DLGAP2: variants seen among roughly 807,000 people sequenced by gnomAD.
DLGAP2 encodes DLG associated protein 2.
In DLGAP2, 26 loss-of-function variants were observed where a neutral mutation model predicts 100.3. The ratio of observed to expected loss-of-function variants is 0.26; its 90% CI spans 0.19 to 0.36. The LOEUF (loss-of-function observed/expected upper bound fraction) is 0.36, where lower values mean the gene tolerates loss of function less well. DLGAP2 is among the 10% of genes least tolerant of loss of function. DLGAP2 has a pLI of 1.00. For synonymous variants in DLGAP2, 886 were observed against 630.1 expected, an observed-to-expected ratio of 1.41 and a Z score of -6.08; for missense variants, 1,858 against 1,453.2, an observed-to-expected ratio of 1.28 and a Z score of -4.53.
chr8:1,223,908 A>G (rs899762814), intron 2 of DLGAP2, among the ~76,000 whole-genome samples: 14 of 152,218 alleles, frequency 9.2e-5, no homozygotes, highest in African/African-American at 3.4e-4. Flanking sequence ...ATGGAGAAAA[A>G]CAGAAGACAT....
At chr8:797,407 T>G (rs1192581239) in intron 1 of DLGAP2, among the ~76,000 whole-genome samples, 1 of 152,262 alleles carries the variant, frequency 6.6e-6, no homozygotes, top group Admixed American at 6.5e-5. Context: ...TTGTTGATGA[T>G]CAATCTTCTG....
intron 7 of DLGAP2, 100 bp downstream of exon 7, chr8:1,626,987 G>C (rs1472296321): frequency 6.3e-6 from 9 of 1,425,682 alleles, no homozygotes; most frequent in Non-Finnish European, 8.5e-6. Flanking sequence ...TGCCCTCCTG[G>C]TCAGCAGCAC....
rs1800410947 is a variant in DLGAP2 at position 1,303,410 on chromosome 8, A to AC, written c.106+44527_106+44528insC. Among the ~76,000 whole-genome samples, 3 of 150,238 alleles carry AC rather than the reference A, an allele frequency of 2.0e-5. No individual in the cohort carries two copies. The South Asian group carries it at 6.3e-4, about 32-fold the overall frequency. On this transcript the variant is annotated intron_variant, in intron 3 of 14. Transcript: ENST00000637795. The stretch of plus-strand genomic sequence containing the variant: ...AGACTCCGTCTCAAAAACAAAAAAA[A>AC]AAAAAAAAAAAAAAAAAGGAAGGAG...
chr8:1,412,867 C>T (rs1584873199), intron 3 of DLGAP2, among the ~76,000 whole-genome samples: 1 of 137,490 alleles, frequency 7.3e-6, no homozygotes, highest in South Asian at 2.2e-4. Context: ...CCTGAGATTA[C>T]AGTGCCTCTC....
intron 1 of DLGAP2, among the ~76,000 whole-genome samples, chr8:805,726 G>C (rs149825306): frequency 2.7e-4 from 41 of 152,268 alleles, no homozygotes; most frequent in African/African-American, 8.7e-4. Flanking sequence ...TCAGCCTCCT[G>C]AGTAGCTGGG....
intron 2 of DLGAP2, among the ~76,000 whole-genome samples, chr8:998,811 C>G (rs1359303085): frequency 1.3e-5 from 2 of 152,108 alleles, no homozygotes; most frequent in African/African-American, 4.8e-5. Flanking sequence ...TTTCACTGTC[C>G]TCATAACAGC....
chr8:871,721 G>A (rs778172116), intron 1 of DLGAP2, among the ~76,000 whole-genome samples: 2 of 152,004 alleles, frequency 1.3e-5, no homozygotes, highest in African/African-American at 4.8e-5. Context: ...AAACCAATTT[G>A]AAGTACTTCT....
At chr8:1,053,414 C>T (rs1416023189) in intron 2 of DLGAP2, among the ~76,000 whole-genome samples, 2 of 152,158 alleles carry the variant, frequency 1.3e-5, no homozygotes, top group Admixed American at 1.3e-4. Context: ...CTTGTGCAAG[C>T]TTGATCTCCA....
intron 2 of DLGAP2, among the ~76,000 whole-genome samples, chr8:1,036,396 C>T (rs943073543): frequency 1.3e-5 from 2 of 152,298 alleles, no homozygotes; most frequent in African/African-American, 2.4e-5. Context: ...GTGGGGCTGG[C>T]GAGAGCTCAG....
rs1199044964 is a variant in DLGAP2 at position 1,703,640 on chromosome 8, C to G, written c.*2234C>G. On this transcript the variant is annotated 3_prime_UTR_variant, in exon 15 of 15. Coordinates refer to ENST00000637795, the MANE Select transcript of DLGAP2 (RefSeq NM_001346810.2). ...ATCTACTGGCAGCTGATACGTTTAA[C>G]TCATTTCCTTGAGCTTATACAAAAC... The G allele has an allele frequency of 6.6e-6, 1 of 152,188 alleles. No homozygotes were observed. The highest frequency in any genetic ancestry group is 1.9e-4 in the East Asian group (1 of 5,198). The allele number at this position is 152,188 out of a possible 1,614,324, so 9.4% of individuals were successfully genotyped here.
chr8:1,213,653 G>T (rs542002273), intron 2 of DLGAP2, among the ~76,000 whole-genome samples: 1 of 152,212 alleles, frequency 6.6e-6, no homozygotes, highest in African/African-American at 2.4e-5. Context: ...GTCTTTCTCT[G>T]GGCTCTGATC....
At chr8:1,512,246 A>T (rs943752975) in intron 4 of DLGAP2, among the ~76,000 whole-genome samples, 1 of 152,226 alleles carries the variant, frequency 6.6e-6, no homozygotes, top group African/African-American at 2.4e-5. Context: ...TCCTCCCCAT[A>T]AATTTCAAAG....
At chr8:1,043,574 A>G (rs1428704728) in intron 2 of DLGAP2, among the ~76,000 whole-genome samples, 1 of 151,890 alleles carries the variant, frequency 6.6e-6, no homozygotes, top group Non-Finnish European at 1.5e-5. Flanking sequence ...GACCCCTGTG[A>G]CAGTGTTGGT....
intron 3 of DLGAP2, among the ~76,000 whole-genome samples, chr8:1,364,587 C>T (rs749891169): frequency 6.6e-4 from 101 of 152,302 alleles, no homozygotes; most frequent in Admixed American, 9.8e-4. Flanking sequence ...CCCTCATCTT[C>T]GCAGCAGGGG....
chr8:1,658,752 G>A (rs1199625892), intron 8 of DLGAP2, among the ~76,000 whole-genome samples: 1 of 152,094 alleles, frequency 6.6e-6, no homozygotes, highest in Admixed American at 6.5e-5. Context: ...TTATTAGTCT[G>A]GCTACCGGTC....
At position 1,697,157 on chromosome 8, in the gene DLGAP2, C is replaced by A; in HGVS notation, c.2807C>A (p.Ala936Asp). Residue 936 changes from alanine (A) to aspartate (D), a missense_variant, in exon 14 of 15, where the codon GCC (alanine) becomes GAC (aspartate). Physicochemically the swap from Ala to Asp is moderately radical, Grantham distance 126 (BLOSUM62 -2). Transcript: ENST00000637795. ...WLCQQNMDPS[A>D]MPRPTSQDLA... ...TGTGTGTGTCCCCAGGACCCCAGCG[C>A]CATGCCGAGGCCGACGTCGCAGGAC... 6.3e-7 allele frequency: 1 copy of A among 1,589,802 alleles called. No individual in the cohort carries two copies. The highest frequency in any genetic ancestry group is 1.7e-5 in the Admixed American group (1 of 57,972).
rs568802314 is a variant in DLGAP2 at position 1,079,700 on chromosome 8, G to A, written c.73+171734G>A. Among the ~76,000 whole-genome samples, 14 of 152,312 alleles carry A rather than the reference G, an allele frequency of 9.2e-5. No homozygotes were observed. In the South Asian group the frequency reaches 1.5e-3, roughly 16 times the overall value. On this transcript the variant is annotated intron_variant, in intron 2 of 14. Coordinates refer to ENST00000637795, the MANE Select transcript of DLGAP2 (RefSeq NM_001346810.2). The stretch of plus-strand genomic sequence containing the variant: ...TTAAAATATGATTCATAGATTGGAC[G>A]AGGTTATAATCCAGTTGGGAGGACA...
At chr8:1,308,622 T>A (rs1351384622) in intron 3 of DLGAP2, among the ~76,000 whole-genome samples, 2 of 152,136 alleles carry the variant, frequency 1.3e-5, no homozygotes, top group Non-Finnish European at 2.9e-5. Context: ...ACCTCCTGGG[T>A]TCAAGTGATT....
At chr8:1,240,218 G>A (rs1455510873) in intron 2 of DLGAP2, among the ~76,000 whole-genome samples, 1 of 134,080 alleles carries the variant, frequency 7.5e-6, no homozygotes, top group Admixed American at 7.4e-5. Flanking sequence ...ACATGGCACT[G>A]TGTCTAGTTC....
Sources: allele counts gnomAD v4.1 joint callset (sites outside exome capture counted in the v4.1 genomes callset), GRCh38; gene constraint gnomAD v4.1.1; transcripts MANE v1.5; gene names NCBI Gene and HGNC (gene_info 2026-07-23, HGNC 2026-07-21).